The following ROBO1 variants were observed in gnomAD, a reference collection of about 807,000 sequenced individuals.
ROBO1 encodes roundabout homolog 1.
ROBO1 carries 149 observed loss-of-function variants against 195.9 expected under a neutral mutation model. That is an observed-to-expected ratio of 0.76 (90% CI 0.67 to 0.87). ROBO1 has a LOEUF of 0.87. ROBO1 is among the 40% of genes least tolerant of loss of function. The pLI is 0.00. For missense variants in ROBO1, 1,933 were observed against 2,068.3 expected, an observed-to-expected ratio of 0.93 and a Z score of 1.27; for synonymous variants, 816 against 733.2, an observed-to-expected ratio of 1.11 and a Z score of -1.82.
intron 2 of ROBO1, among the ~76,000 whole-genome samples, chr3:79,516,251 A>G (rs975591979): frequency 3.3e-5 from 5 of 152,172 alleles, no homozygotes; most frequent in Non-Finnish European, 5.9e-5. Context: ...CATAAGTTCT[A>G]CTTGTCAGAA....
At chr3:79,109,136 A>G (rs2079839114) in intron 3 of ROBO1, among the ~76,000 whole-genome samples, 1 of 152,010 alleles carries the variant, frequency 6.6e-6, no homozygotes, top group African/African-American at 2.4e-5. Flanking sequence ...CATGTTTTAC[A>G]AGATTTGGGT....
intron 2 of ROBO1, among the ~76,000 whole-genome samples, chr3:79,536,746 T>G (rs1941880869): frequency 1.3e-5 from 2 of 152,186 alleles, no homozygotes; most frequent in African/African-American, 4.8e-5. Flanking sequence ...TGAAGACACT[T>G]AAAATTCTAT....
intron 3 of ROBO1, among the ~76,000 whole-genome samples, chr3:79,116,428 T>C (rs2080000716): frequency 6.6e-6 from 1 of 150,768 alleles, no homozygotes; most frequent in Non-Finnish European, 1.5e-5. Context: ...TCTATTTTCT[T>C]TTCCTTTCCT....
intron 4 of ROBO1, among the ~76,000 whole-genome samples, chr3:78,753,589 A>C (rs1281097778): frequency 6.6e-6 from 1 of 152,080 alleles, no homozygotes; most frequent in Non-Finnish European, 1.5e-5. Context: ...ATAGGTATAC[A>C]TGTGCCATGG....
At chr3:79,185,778 G>A (rs1274673978) in intron 2 of ROBO1, among the ~76,000 whole-genome samples, 2 of 152,082 alleles carry the variant, frequency 1.3e-5, no homozygotes, top group Non-Finnish European at 2.9e-5. Flanking sequence ...CATATTAAAT[G>A]TTTCATCTTG....
intron 2 of ROBO1, among the ~76,000 whole-genome samples, chr3:79,272,883 C>A (rs1234063495): frequency 6.6e-6 from 1 of 152,022 alleles, no homozygotes; most frequent in Non-Finnish European, 1.5e-5. Context: ...AAGTAACATA[C>A]AACAGAAATC....
chr3:78,887,673 A>G (rs1221113393), intron 4 of ROBO1, among the ~76,000 whole-genome samples: 2 of 152,166 alleles, frequency 1.3e-5, no homozygotes, highest in African/African-American at 4.8e-5. Flanking sequence ...TTTAAACCAC[A>G]TGGTGACCAG....
intron 8 of ROBO1, among the ~76,000 whole-genome samples, chr3:78,699,702 T>A (rs2081379309): frequency 6.6e-6 from 1 of 152,106 alleles, no homozygotes; most frequent in Non-Finnish European, 1.5e-5. Flanking sequence ...ATTCTTAACG[T>A]GGCCTTGCTG....
intron 2 of ROBO1, among the ~76,000 whole-genome samples, chr3:79,556,495 A>T (rs9871644): frequency 0.56 from 84,627 of 151,854 alleles, 24,541 homozygotes; most frequent in African/African-American, 0.73. Flanking sequence ...CCACTCACCA[A>T]ACTGCATAAA....
intron 2 of ROBO1, among the ~76,000 whole-genome samples, chr3:79,550,195 G>GAAAGAAAGAAAGAAAGAAAGAAAGGAAAA: frequency 4.0e-5 from 4 of 100,834 alleles, no homozygotes; most frequent in African/African-American, 1.9e-4. Flanking sequence ...AAGAAAGAAA[G>GAAAGAAAGAAAGAAAGAAAGAAAGGAAAA]GAAAAGAAAA....
chr3:78,646,455 A>C (rs904336099), intron 20 of ROBO1, among the ~76,000 whole-genome samples: 2 of 151,032 alleles, frequency 1.3e-5, no homozygotes, highest in African/African-American at 4.8e-5. Flanking sequence ...AATTCCAATA[A>C]GGTGGAGAAT....
At chr3:79,279,040 C>T (rs1445183330) in intron 2 of ROBO1, among the ~76,000 whole-genome samples, 1 of 151,812 alleles carries the variant, frequency 6.6e-6, no homozygotes. Flanking sequence ...TTTGGGAGGC[C>T]AAGCAGGCAG....
chr3:79,638,360 G>A (rs954765003), intron 1 of ROBO1, among the ~76,000 whole-genome samples: 9 of 152,086 alleles, frequency 5.9e-5, no homozygotes, highest in African/African-American at 1.4e-4. Context: ...AAAACCATAT[G>A]TATATTCTTA....
At chr3:78,974,199 T>C (rs1373664921) in intron 3 of ROBO1, among the ~76,000 whole-genome samples, 1 of 152,144 alleles carries the variant, frequency 6.6e-6, no homozygotes, top group Non-Finnish European at 1.5e-5. Flanking sequence ...TTTCTATTAG[T>C]GTACAAATAA....
chr3:79,571,564 A>G (rs1943279873), intron 2 of ROBO1, among the ~76,000 whole-genome samples: 2 of 152,116 alleles, frequency 1.3e-5, no homozygotes, highest in African/African-American at 4.8e-5. Flanking sequence ...CATGAAAATA[A>G]AGACAACAGA....
chr3:78,705,330 A>T (rs548057862), intron 8 of ROBO1, among the ~76,000 whole-genome samples: 35 of 152,226 alleles, frequency 2.3e-4, no homozygotes, highest in Non-Finnish European at 2.5e-4. Flanking sequence ...GTATTTGCAT[A>T]AGCACCCCAT....
chr3:79,073,930 A>G (rs2108443557), intron 3 of ROBO1, among the ~76,000 whole-genome samples: 1 of 151,034 alleles, frequency 6.6e-6, no homozygotes, highest in East Asian at 2.0e-4. Flanking sequence ...TAGATATATA[A>G]CAGCAATAAA....
intron 2 of ROBO1, among the ~76,000 whole-genome samples, chr3:79,184,448 T>C (rs949730383): frequency 6.6e-5 from 10 of 152,122 alleles, no homozygotes; most frequent in African/African-American, 1.9e-4. Flanking sequence ...GAGAATTTTA[T>C]AGGGAGTCAC....
chr3:79,606,389 G>C (rs758942180), intron 1 of ROBO1, among the ~76,000 whole-genome samples: 17 of 151,892 alleles, frequency 1.1e-4, no homozygotes, highest in Non-Finnish European at 2.1e-4. Context: ...CTCTCTCTTT[G>C]TGTCTGTCTC....
Sources: allele counts gnomAD v4.1 joint callset (sites outside exome capture counted in the v4.1 genomes callset), GRCh38; gene constraint gnomAD v4.1.1; transcripts MANE v1.5; gene names NCBI Gene and HGNC (gene_info 2026-07-23, HGNC 2026-07-21).